CLEC4E: variants seen among roughly 807,000 people sequenced by gnomAD.
CLEC4E encodes the protein C-type lectin domain family 4 member E, also known as C-type (calcium dependent, carbohydrate-recognition domain) lectin, superfamily member 9.
Under a neutral mutation model 24.7 loss-of-function variants are expected in CLEC4E, and 21 were observed. The ratio of observed to expected loss-of-function variants is 0.85; its 90% CI spans 0.60 to 1.22. The LOEUF is 1.22. CLEC4E is among the 50% of genes most tolerant of loss of function. CLEC4E has a pLI of 0.00. For synonymous variants in CLEC4E, 94 were observed against 85.7 expected (o/e 1.10, Z -0.54); for missense variants, 249 against 254.1 (o/e 0.98, Z 0.14).
At chr12:8,535,095 A>G (rs770452839) in intron 5 of CLEC4E, among the ~76,000 whole-genome samples, 71 of 152,294 alleles carry the variant, frequency 4.7e-4, no homozygotes, top group African/African-American at 1.6e-3. Context: ...CTATAGAATG[A>G]GAAGTTATGG....
chr12:8,536,293 T>G, intron 4 of CLEC4E, 88 bp from the exon 5 acceptor site: 6 of 742,378 alleles, frequency 8.1e-6, no homozygotes, highest in South Asian at 7.8e-5. Flanking sequence ...GGTAAGAATC[T>G]GGATGAGATC....
In CLEC4E at chr12:8,540,582, G is replaced by C. The variant is rs755581379; in HGVS notation, c.37+179C>G. Among the ~76,000 whole-genome samples the C allele has an allele frequency of 2.6e-5, 4 of 152,156 alleles. No individual in the cohort carries two copies. The South Asian group carries it at 8.3e-4, about 32-fold the overall frequency. On this transcript the variant is annotated intron_variant, in intron 1 of 5. Transcript: ENST00000299663. ...AACTGATAGCTCTCCCTTAGCTAGA[G>C]GCCAGCAGGCTTTCTGGTATAAGAA...
chr12:8,536,169 A>T lies in CLEC4E; in HGVS notation c.409T>A (p.Phe137Ile). 6.2e-7 allele frequency: 1 copy of T among 1,612,030 alleles called. No individual in the cohort carries two copies. Among genetic ancestry groups the T allele is most frequent in the Non-Finnish European group, 8.5e-7 (1 of 1,178,864 alleles). ...ACCTGGTCTGACAGTCCAATAAAAA[A>T]CTCTCTCATTTTAGGTTTCTTGTAG... ...LSYKKPKMRE[F>I]FIGLSDQVVE... is the part of the protein sequence containing the mutation. The change falls in exon 5 of 6, where the codon TTT (phenylalanine) becomes ATT (isoleucine). Residue 137 changes from phenylalanine (F) to isoleucine (I), a missense_variant. By Grantham distance (21) the Phe-to-Ile change is conservative (BLOSUM62 0). Transcript: ENST00000299663.
chr12:8,535,508 C>T (rs376081327), intron 5 of CLEC4E, among the ~76,000 whole-genome samples: 7 of 152,142 alleles, frequency 4.6e-5, no homozygotes, highest in African/African-American at 1.4e-4. Flanking sequence ...CAAACCACCA[C>T]GGCACACGTT....
chr12:8,540,728 C>G, intron 1 of CLEC4E, 33 bp downstream of exon 1: 2 of 1,575,572 alleles, frequency 1.3e-6, no homozygotes, highest in Non-Finnish European at 1.7e-6. Context: ...AAAAAGAGAT[C>G]TATGGAAGGA....
At chr12:8,539,694 G>A (rs1418009062) in intron 2 of CLEC4E, among the ~76,000 whole-genome samples, 161 bp downstream of exon 2, 1 of 151,990 alleles carries the variant, frequency 6.6e-6, no homozygotes, top group Non-Finnish European at 1.5e-5. Context: ...TGCTTGTTGA[G>A]GTTTCTGGTT....
At chr12:8,537,404 A>C in intron 3 of CLEC4E, 138 bp from the exon 4 acceptor site, 1 of 649,340 alleles carries the variant, frequency 1.5e-6, no homozygotes, top group Non-Finnish European at 2.6e-6. Flanking sequence ...TTAGTATCTA[A>C]GACTTTAGAT....
rs1940628560 is a variant in CLEC4E at position 8,537,262 on chromosome 12, T to A, written c.225A>T (p.Ser75=). 1 of 1,613,238 alleles carries A rather than the reference T, an allele frequency of 6.2e-7. No homozygotes were observed. The highest frequency in any genetic ancestry group is 8.5e-7 in the Non-Finnish European group (1 of 1,179,294). ...AGTTCAATGGACAACAATTCTTGAC[T>A]GAACCTAGGATGAGAGATGTTTCAG... The part of the protein sequence containing the change: ...ELSCYNYGSG[S]VKNCCPLNWE... The change falls in exon 4 of 6, where the codon TCA becomes TCT. Residue 75 remains serine, a synonymous_variant. Transcript: ENST00000299663.
At position 8,537,237 on chromosome 12, in the gene CLEC4E, A is replaced by G; in HGVS notation, c.250T>C (p.Trp84Arg). ...TAGCAGCTGGATTGAAAATATTCCC[A>G]GTTCAATGGACAACAATTCTTGACT... ...GSVKNCCPLN[W>R]EYFQSSCYFF... Residue 84 changes from tryptophan (W) to arginine (R), a missense_variant, in exon 4 of 6, where the codon TGG (tryptophan) becomes CGG (arginine). Trp to Arg is a moderately radical substitution (Grantham distance 101). Coordinates refer to ENST00000299663, the MANE Select transcript of CLEC4E (RefSeq NM_014358.4). 1.2e-6 allele frequency: 2 copies of G among 1,613,844 alleles called. No homozygotes were observed. Among genetic ancestry groups the G allele is most frequent in the Non-Finnish European group, 1.7e-6 (2 of 1,179,766 alleles).
At chr12:8,539,563 C>T (rs2136401170) in intron 2 of CLEC4E, among the ~76,000 whole-genome samples, 1 of 152,218 alleles carries the variant, frequency 6.6e-6, no homozygotes, top group East Asian at 1.9e-4. Flanking sequence ...GGCAGACTCT[C>T]CTAGAGAAGG....
chr12:8,538,666 A>T (rs752335612), intron 3 of CLEC4E, among the ~76,000 whole-genome samples: 2 of 152,124 alleles, frequency 1.3e-5, no homozygotes, highest in South Asian at 4.1e-4. Context: ...ACAGGGAGAG[A>T]CCCACCAACC....
chr12:8,536,168 A>G lies in CLEC4E; in HGVS notation c.410T>C (p.Phe137Ser), dbSNP rs762099145. Residue 137 changes from phenylalanine (F) to serine (S), a missense_variant, in exon 5 of 6, where the codon TTT (phenylalanine) becomes TCT (serine). Transcript: ENST00000299663. ...AACCTGGTCTGACAGTCCAATAAAAAACTCTCTCATTTTAGGTTTCTTGTA... is the reference window on the plus strand; with the variant it reads ...AACCTGGTCTGACAGTCCAATAAAAGACTCTCTCATTTTAGGTTTCTTGTA... The part of the protein sequence containing the change: ...LSYKKPKMRE[F>S]FIGLSDQVVE... 7.4e-6 allele frequency: 12 copies of G among 1,611,274 alleles called. No individual in the cohort carries two copies. The South Asian group carries it at 1.3e-4, about 18-fold the overall frequency.
chr12:8,538,941 G>A (rs1407361281), intron 3 of CLEC4E: 3 of 406,428 alleles, frequency 7.4e-6, no homozygotes, highest in Admixed American at 4.3e-5. Flanking sequence ...TTGGAAGTAG[G>A]TGAATGAAAA....
Position 8,533,411 on chromosome 12 carries a change from G to A in CLEC4E, c.*1227C>T, listed in dbSNP as rs1158482016. 1 of 152,174 alleles carries A rather than the reference G, an allele frequency of 6.6e-6. No individual in the cohort carries two copies. Among genetic ancestry groups the A allele is most frequent in the African/African-American group, 2.4e-5 (1 of 41,446 alleles). The allele number at this position is 152,174 out of a possible 1,614,324, so 9.4% of individuals were successfully genotyped here. A position where few individuals can be genotyped will look rare whatever the true frequency, so the allele number is the denominator to read the frequency against. On this transcript the variant is annotated 3_prime_UTR_variant, in exon 6 of 6. Coordinates refer to ENST00000299663, the MANE Select transcript of CLEC4E (RefSeq NM_014358.4). The stretch of plus-strand genomic sequence containing the variant: ...AGACACATGCACACGAATGTTCATT[G>A]CAGCACTATTCACAATAGCAAAAAC...
At position 8,534,572 on chromosome 12, in the gene CLEC4E, G is replaced by A; in HGVS notation, c.*66C>T. 1 of 1,226,862 alleles carries A rather than the reference G, an allele frequency of 8.2e-7. No homozygotes were observed. The highest frequency in any genetic ancestry group is 1.2e-6 in the Non-Finnish European group (1 of 866,114). The allele number at this position is 1,226,862 out of a possible 1,614,324, so 76.0% of individuals were successfully genotyped here. ...AGTTCAGCGCACAAATTTCTCGTGT[G>A]GGGCGGTGGGTGTGGCCATGTTCTT... On this transcript the variant is annotated 3_prime_UTR_variant, in exon 6 of 6. Transcript: ENST00000299663.
intron 4 of CLEC4E, 64 bp from the exon 5 acceptor site, chr12:8,536,269 T>G: frequency 1.1e-6 from 1 of 949,432 alleles, no homozygotes; most frequent in Non-Finnish European, 1.7e-6. Flanking sequence ...TTGCTAGTAA[T>G]TATTATTCAA....
chr12:8,538,836 A>G (rs1190861835), intron 3 of CLEC4E: 1 of 274,240 alleles, frequency 3.6e-6, no homozygotes, highest in East Asian at 6.3e-5. Flanking sequence ...GCATTTTGCT[A>G]GGACTTGCAA....
rs7307228 is a variant in CLEC4E at position 8,535,479 on chromosome 12, T to C, written c.488+611A>G. 8.4e-4 allele frequency among the ~76,000 whole-genome samples: 128 copies of C among 152,078 alleles called. 1 individual carries two copies. The highest frequency in any genetic ancestry group is 1.0e-3 in the South Asian group (5 of 4,816). On this transcript the variant is annotated intron_variant, in intron 5 of 5. Coordinates refer to ENST00000299663, the MANE Select transcript of CLEC4E (RefSeq NM_014358.4). ...GCTGGACTTAATACCCGGGTCATGTTATGATTTCTGCAGCAAACCAAACCA... is the reference window on the plus strand; with the variant it reads ...GCTGGACTTAATACCCGGGTCATGTCATGATTTCTGCAGCAAACCAAACCA...
At chr12:8,534,833 C>T (rs1356942699) in intron 5 of CLEC4E, 24 bp from the exon 6 acceptor site, 3 of 1,585,286 alleles carry the variant, frequency 1.9e-6, no homozygotes, top group African/African-American at 2.7e-5. Flanking sequence ...ACATAGGAGA[C>T]TTAAAATCCC....
Sources: allele counts gnomAD v4.1 joint callset (sites outside exome capture counted in the v4.1 genomes callset), GRCh38; gene constraint gnomAD v4.1.1; transcripts MANE v1.5; gene names NCBI Gene and HGNC (gene_info 2026-07-23, HGNC 2026-07-21).